Variants in DZIP1L observed in about 807,000 individuals in gnomAD.
The protein encoded by DZIP1L is DAZ interacting zinc finger protein 1 like, also known as cilium assembly protein DZIP1L.
A neutral mutation model predicts 88.7 loss-of-function variants in DZIP1L; 90 were observed. The observed-to-expected ratio is 1.02, with a 90% CI of 0.86 to 1.21. DZIP1L has a LOEUF of 1.21. DZIP1L is among the 50% of genes most tolerant of loss of function. DZIP1L has a pLI of 0.00. For synonymous variants in DZIP1L, 363 were observed against 372.1 expected, an observed-to-expected ratio of 0.98 and a Z score of 0.28; for missense variants, 932 against 955.8, an observed-to-expected ratio of 0.98 and a Z score of 0.33.
At chr3:138,094,661 A>G (rs1034118247) in intron 4 of DZIP1L, among the ~76,000 whole-genome samples, 1 of 152,254 alleles carries the variant, frequency 6.6e-6, no homozygotes, top group African/African-American at 2.4e-5. Flanking sequence ...TTTCGTCCAC[A>G]TAAGTCTGGC....
chr3:138,089,211 C>T (rs1944092384), intron 5 of DZIP1L: 1 of 985,318 alleles, frequency 1.0e-6, no homozygotes, highest in Non-Finnish European at 1.2e-6. Context: ...TTCTTGCTAA[C>T]ACTTCTCAAC....
At chr3:138,100,582 C>T (rs1184808186) in intron 2 of DZIP1L, among the ~76,000 whole-genome samples, 1 of 152,160 alleles carries the variant, frequency 6.6e-6, no homozygotes, top group Non-Finnish European at 1.5e-5. Flanking sequence ...TGGGACTGAT[C>T]CCTTAACTCA....
At chr3:138,077,310 A>C (rs1943457290) in intron 11 of DZIP1L, among the ~76,000 whole-genome samples, 189 bp downstream of exon 11, 1 of 152,236 alleles carries the variant, frequency 6.6e-6, no homozygotes, top group African/African-American at 2.4e-5. Flanking sequence ...CTGCTGGAGA[A>C]ACAGAGGAAA....
At position 138,103,749 on chromosome 3, in the gene DZIP1L, A is replaced by C; in HGVS notation, c.223T>G (p.Cys75Gly). Reference sequence around the variant, plus strand: ...AGTGCCGGGTCCACAGGCTGCCCACAGCGGCTGCACACCTCCCGGTCCAAG... The same window carrying C: ...AGTGCCGGGTCCACAGGCTGCCCACCGCGGCTGCACACCTCCCGGTCCAAG... ...CNLDREVCSR[C>G]GQPVDPALLK... The change falls in exon 2 of 16, where the codon TGT becomes GGT. Residue 75 changes from cysteine to glycine, a missense_variant. Coordinates refer to ENST00000327532, the MANE Select transcript of DZIP1L (RefSeq NM_173543.3). The C allele has an allele frequency of 1.2e-6, 2 of 1,613,936 alleles. No homozygotes were observed. Among genetic ancestry groups the C allele is most frequent in the Non-Finnish European group, 1.7e-6 (2 of 1,180,036 alleles).
At chr3:138,064,496 C>T in intron 15 of DZIP1L, 132 bp downstream of exon 15, 2 of 1,611,918 alleles carry the variant, frequency 1.2e-6, no homozygotes, top group Non-Finnish European at 1.7e-6. Context: ...AGAGGGAGGT[C>T]ACCCACAATG....
intron 1 of DZIP1L, among the ~76,000 whole-genome samples, chr3:138,113,170 C>T (rs1256057659): frequency 1.3e-5 from 2 of 152,158 alleles, no homozygotes; most frequent in East Asian, 3.8e-4. Context: ...ATATAGAAAA[C>T]CCATCTACCA....
At chr3:138,110,149 T>C (rs2042594300) in intron 1 of DZIP1L, among the ~76,000 whole-genome samples, 1 of 152,154 alleles carries the variant, frequency 6.6e-6, no homozygotes, top group Non-Finnish European at 1.5e-5. Flanking sequence ...TTTGGTGTTT[T>C]AGTCATGAAG....
At chr3:138,095,846 T>C (rs1206353386) in intron 3 of DZIP1L, among the ~76,000 whole-genome samples, 1 of 151,952 alleles carries the variant, frequency 6.6e-6, no homozygotes, top group Non-Finnish European at 1.5e-5. Context: ...GAACCAAAGC[T>C]CCTTTAAGTG....
chr3:138,103,554 G>A lies in DZIP1L; in HGVS notation c.418C>T (p.Arg140Trp), dbSNP rs138080927. The A allele has an allele frequency of 3.4e-5, 55 of 1,609,238 alleles. No homozygotes were observed. The highest frequency in any genetic ancestry group is 2.9e-4 in the African/African-American group (22 of 75,022). Residue 140 changes from arginine (R) to tryptophan (W), a missense_variant, in exon 2 of 16, where the codon CGG becomes TGG. Arg to Trp is a moderately radical substitution (Grantham distance 101). Transcript: ENST00000327532. The part of the protein sequence containing the change: ...GRQADELKGV[R>W]EESRRRRKMI... ...TTGCGACGCCGGCGGCTCTCCTCCC[G>A]CACACCCTTGAGCTCGTCAGCCTGG...
chr3:138,092,615 TA>T (rs1944292640), intron 4 of DZIP1L, 71 bp from the exon 5 acceptor site: 1 of 1,440,750 alleles, frequency 6.9e-7, no homozygotes, highest in Non-Finnish European at 9.2e-7. Flanking sequence ...AGAACCTACT[TA>T]GGCCTCCTTG....
rs548711167 is a variant in DZIP1L at position 138,097,634 on chromosome 3, C to A, written c.586+129G>T. 8 of 828,562 alleles carry A rather than the reference C, an allele frequency of 9.7e-6. No homozygotes were observed. The East Asian group carries it at 2.2e-4, about 22-fold the overall frequency. The allele number at this position is 828,562 out of a possible 1,614,324, so 51.3% of individuals were successfully genotyped here. On this transcript the variant is annotated intron_variant, in intron 3 of 15. Coordinates refer to ENST00000327532, the MANE Select transcript of DZIP1L (RefSeq NM_173543.3). ...CCCCGGTGGTGGATGGTGGGATCAT[C>A]CCATCCCCAATTGGACAGTGAGGTT...
At chr3:138,072,061 A>G (rs2622705) in intron 11 of DZIP1L, among the ~76,000 whole-genome samples, 100,705 of 151,992 alleles carry the variant, frequency 0.66, 33,673 homozygotes, top group Non-Finnish European at 0.7. Flanking sequence ...CAAAATGTGC[A>G]CAGCAGGATA....
In DZIP1L at chr3:138,068,146, C is replaced by T; in HGVS notation, c.1832+5G>A. The T allele has an allele frequency of 6.7e-7, 1 of 1,497,378 alleles. No homozygotes were observed. The allele number at this position is 1,497,378 out of a possible 1,614,324, so 92.8% of individuals were successfully genotyped here. A position where few individuals can be genotyped will look rare whatever the true frequency, so the allele number is the denominator to read the frequency against. On this transcript the variant is annotated splice_donor_5th_base_variant and intron_variant, in intron 13 of 15. Transcript: ENST00000327532. ...TGGGGTGAGAGGGCAGAGTCTGGGG[C>T]TCACCTCATCCCGGGCCCCGAGGAA...
At chr3:138,104,439 G>T (rs1008900760) in intron 1 of DZIP1L, among the ~76,000 whole-genome samples, 1 of 152,236 alleles carries the variant, frequency 6.6e-6, no homozygotes, top group Non-Finnish European at 1.5e-5. Flanking sequence ...CCTGGCAAAG[G>T]CCTTTGTCAG....
rs567580340 is a variant in DZIP1L at position 138,079,884 on chromosome 3, C to T, written c.1288+683G>A. Among the ~76,000 whole-genome samples, 11 of 152,316 alleles carry T rather than the reference C, an allele frequency of 7.2e-5. No homozygotes were observed. In the East Asian group the frequency reaches 9.6e-4, roughly 13 times the overall value. ...CATATCATTGCCTTGCTCAAACAAA[C>T]GGGACCTGGTCAGTAGCTTTTCCAG... is the stretch of plus-strand genomic sequence containing the variant. On this transcript the variant is annotated intron_variant, in intron 10 of 15. Coordinates refer to ENST00000327532, the MANE Select transcript of DZIP1L (RefSeq NM_173543.3).
Position 138,067,635 on chromosome 3 carries a change from G to A in DZIP1L, c.1898C>T (p.Pro633Leu). 1 of 1,611,044 alleles carries A rather than the reference G, an allele frequency of 6.2e-7. No individual in the cohort carries two copies. The highest frequency in any genetic ancestry group is 8.5e-7 in the Non-Finnish European group (1 of 1,178,560). The part of the protein sequence containing the change: ...GDRVQRVSLQ[P>L]PKVPSRMVPR... ...CACCATCCTGGAAGGAACTTTTGGG[G>A]GCTGTAGAGACACACGCTGCACACG... The change falls in exon 14 of 16, where the codon CCC becomes CTC. Residue 633 changes from proline to leucine, a missense_variant. Physicochemically the swap from Pro to Leu is moderately conservative, Grantham distance 98. Coordinates refer to ENST00000327532, the MANE Select transcript of DZIP1L (RefSeq NM_173543.3).
chr3:138,068,873 T>C, intron 12 of DZIP1L: 1 of 1,218,814 alleles, frequency 8.2e-7, no homozygotes, highest in South Asian at 3.7e-5. Flanking sequence ...GCCCCTCTGT[T>C]TTCCAAATTG....
At chr3:138,108,727 A>G (rs781008947) in intron 1 of DZIP1L, among the ~76,000 whole-genome samples, 8 of 152,322 alleles carry the variant, frequency 5.3e-5, no homozygotes, top group Middle Eastern at 6.8e-3. Flanking sequence ...TGATAATGCC[A>G]GGAATTGCAA....
rs746836615 is a variant in DZIP1L at position 138,088,405 on chromosome 3, C to T, written c.973G>A (p.Ala325Thr). The T allele has an allele frequency of 9.9e-6, 16 of 1,613,244 alleles. 1 individual carries two copies. Among genetic ancestry groups the T allele is most frequent in the African/African-American group, 6.7e-5 (5 of 74,910 alleles). Residue 325 changes from alanine (A) to threonine (T), a missense_variant, in exon 6 of 16, where the codon GCC (alanine) becomes ACC (threonine). Coordinates refer to ENST00000327532, the MANE Select transcript of DZIP1L (RefSeq NM_173543.3). ...TGAATTTCTGTCTTCTCTCTCAGGG[C>T]CTGAAGCTCCCGTGCCTGCCGAAGC... ...EWLRQARELQ[A>T]LREKTEIQKT...
Sources: gnomAD v4.1 joint callset for allele counts (sites outside exome capture counted in the v4.1 genomes callset) on GRCh38, gnomAD v4.1.1 for gene constraint, MANE v1.5 for transcripts, NCBI Gene and HGNC (gene_info 2026-07-23, HGNC 2026-07-21) for gene names.